Variants in SLC26A3 observed in about 807,000 individuals in gnomAD.
SLC26A3 encodes the protein chloride anion exchanger.
In SLC26A3, 64 loss-of-function variants were observed where a neutral mutation model predicts 85.6. The observed-to-expected ratio is 0.75, with a 90% confidence interval of 0.61 to 0.92. The LOEUF (loss-of-function observed/expected upper bound fraction) is 0.92. Ranked by LOEUF, SLC26A3 falls within the 40% of genes least tolerant of loss-of-function variation. SLC26A3 has a pLI of 0.00. For missense variants in SLC26A3, 922 were observed against 927.3 expected, an observed-to-expected ratio of 0.99 and a Z score of 0.07; for synonymous variants, 349 against 336.0, an observed-to-expected ratio of 1.04 and a Z score of -0.42.
chr7:107,791,340 G>A, intron 4 of SLC26A3, 105 bp from the exon 5 acceptor site: 3 of 1,241,570 alleles, frequency 2.4e-6, no homozygotes, highest in South Asian at 1.2e-5. Context: ...GGCTGGGCGT[G>A]GTGGCTCACG....
chr7:107,794,391 T>A lies in SLC26A3; in HGVS notation c.119A>T (p.Lys40Ile). Residue 40 changes from lysine (K) to isoleucine (I), a missense_variant, in exon 2 of 21, where the codon AAA (lysine) becomes ATA (isoleucine). By Grantham distance (102) the Lys-to-Ile change is moderately radical. Coordinates refer to ENST00000340010, the MANE Select transcript of SLC26A3 (RefSeq NM_000111.3). ...AAAAATATCTTACCTACAACACACTTTGAGATGATCCAGAAATGTCTTATG... is the reference window on the plus strand; with the variant it reads ...AAAAATATCTTACCTACAACACACTATGAGATGATCCAGAAATGTCTTATG... ...RHHKTFLDHL[K>I]VCCSCSPQKA... 6.2e-7 allele frequency: 1 copy of A among 1,613,954 alleles called. No individual in the cohort carries two copies. The highest frequency in any genetic ancestry group is 8.5e-7 in the Non-Finnish European group (1 of 1,179,886).
At chr7:107,787,559 T>A in intron 6 of SLC26A3, 50 bp from the exon 7 acceptor site, 1 of 1,507,702 alleles carries the variant, frequency 6.6e-7, no homozygotes, top group Non-Finnish European at 9.2e-7. Context: ...AATGCACAAT[T>A]TGGATACAAC....
chr7:107,782,173 A>G (rs1241241373), intron 11 of SLC26A3, among the ~76,000 whole-genome samples: 1 of 152,192 alleles, frequency 6.6e-6, no homozygotes, highest in East Asian at 1.9e-4. Context: ...CAATGTATTT[A>G]CTGTCATCTT....
rs1340412562 is a variant in SLC26A3, at chr7:107,782,893, TATC to T, written c.1234-22_1234-20del. On this transcript the variant is annotated intron_variant, in intron 10 of 20. Coordinates refer to ENST00000340010, the MANE Select transcript of SLC26A3 (RefSeq NM_000111.3). ...CAGCAATCTGTGAGGATAAAAAAAT[TATC>T]ATCACCAACTCAACTTTTCCCCTGG... 3 of 1,613,804 alleles carry T rather than the reference TATC, an allele frequency of 1.9e-6. No individual in the cohort carries two copies. The highest frequency in any genetic ancestry group is 2.5e-6 in the Non-Finnish European group (3 of 1,179,870).
intron 8 of SLC26A3, 73 bp from the exon 9 acceptor site, chr7:107,783,425 A>G (rs1056521950): frequency 2.6e-5 from 40 of 1,522,220 alleles, no homozygotes; most frequent in Non-Finnish European, 3.3e-5. Flanking sequence ...GGGCAAATCA[A>G]TGAATGAATG....
rs758949431 is a variant in SLC26A3 at position 107,794,524 on chromosome 7, T to C, written c.-15A>G. The C allele has an allele frequency of 1.1e-5, 17 of 1,613,814 alleles. No homozygotes were observed. Among genetic ancestry groups the C allele is most frequent in the Non-Finnish European group, 1.4e-5 (16 of 1,179,822 alleles). On this transcript the variant is annotated 5_prime_UTR_variant, in exon 2 of 21. Coordinates refer to ENST00000340010, the MANE Select transcript of SLC26A3 (RefSeq NM_000111.3). ...GGTTCAATCATTTTGATTTTTCTGT[T>C]GGCTGTGGCAAGTTGAAGACCTTTG...
chr7:107,767,701 AAG>A (rs891160551), intron 19 of SLC26A3, 57 bp from the exon 20 acceptor site: 10 of 1,609,258 alleles, frequency 6.2e-6, no homozygotes, highest in African/African-American at 4.0e-5. Flanking sequence ...AATGTTGAAA[AAG>A]AGAAATTTAA....
chr7:107,774,278 G>A, intron 16 of SLC26A3, 125 bp from the exon 17 acceptor site: 1 of 793,102 alleles, frequency 1.3e-6, no homozygotes, highest in South Asian at 1.4e-5. Flanking sequence ...TGGACTAGGT[G>A]TGGTGGCTCA....
At chr7:107,781,646 G>C (rs1346207566) in intron 11 of SLC26A3, among the ~76,000 whole-genome samples, 5 of 152,128 alleles carry the variant, frequency 3.3e-5, no homozygotes, top group African/African-American at 1.2e-4. Context: ...GAAATCAGAA[G>C]TATAGCCTAT....
At position 107,779,692 on chromosome 7, in the gene SLC26A3, C is replaced by T; in HGVS notation, c.1383G>A (p.Leu461=). 1 of 1,613,910 alleles carries T rather than the reference C, an allele frequency of 6.2e-7. No homozygotes were observed. The highest frequency in any genetic ancestry group is 8.5e-7 in the Non-Finnish European group (1 of 1,179,860). The change falls in exon 12 of 21, where the codon TTG becomes TTA. Residue 461 remains leucine, a synonymous_variant. Transcript: ENST00000340010. ...CACAATCATATTTGTCCTTTCGCCA[C>T]AATCTGCCTATTTCAGCAAACTGCA... ...MLMQFAEIGR[L]WRKDKYDCLI... is the part of the protein sequence containing the mutation.
chr7:107,783,682 C>A (rs1045330919), intron 8 of SLC26A3, among the ~76,000 whole-genome samples: 2 of 152,196 alleles, frequency 1.3e-5, no homozygotes, highest in African/African-American at 4.8e-5. Flanking sequence ...TGTATTGTTA[C>A]ACTGGGCTGC....
chr7:107,780,021 C>T (rs535599577), intron 11 of SLC26A3, among the ~76,000 whole-genome samples: 35 of 151,994 alleles, frequency 2.3e-4, no homozygotes, highest in African/African-American at 5.8e-4. Context: ...GATCTGATGG[C>T]GTTTAGTAGC....
At chr7:107,781,560 CG>C (rs1409312027) in intron 11 of SLC26A3, among the ~76,000 whole-genome samples, 1 of 151,976 alleles carries the variant, frequency 6.6e-6, no homozygotes, top group Admixed American at 6.6e-5. Flanking sequence ...AGTGTGTGTG[CG>C]TTTATTTTTA....
chr7:107,784,233 T>C (rs76480351), intron 8 of SLC26A3, among the ~76,000 whole-genome samples: 4 of 152,348 alleles, frequency 2.6e-5, no homozygotes, highest in African/African-American at 4.8e-5. Flanking sequence ...AGTACTATTA[T>C]ATCTGATGCC....
At chr7:107,792,406 G>A (rs990217989) in intron 3 of SLC26A3, among the ~76,000 whole-genome samples, 1 of 151,910 alleles carries the variant, frequency 6.6e-6, no homozygotes, top group African/African-American at 2.4e-5. Context: ...CAACTAGATG[G>A]TTCCCTCTGG....
chr7:107,782,175 T>C (rs117923954), intron 11 of SLC26A3, among the ~76,000 whole-genome samples: 3,081 of 152,330 alleles, frequency 0.02, 47 homozygotes, highest in Non-Finnish European at 0.029. Context: ...ATGTATTTAC[T>C]GTCATCTTGT....
chr7:107,794,302 G>A, intron 2 of SLC26A3, 77 bp downstream of exon 2: 2 of 1,529,048 alleles, frequency 1.3e-6, no homozygotes. Context: ...AGAAAGGAGA[G>A]TTGGAAAGTT....
rs568649053 is a variant in SLC26A3 at position 107,800,245 on chromosome 7, G to C, written c.-89+2866C>G. Among the ~76,000 whole-genome samples, 7 of 152,244 alleles carry C rather than the reference G, an allele frequency of 4.6e-5. No homozygotes were observed. In the East Asian group the frequency reaches 1.3e-3, roughly 29 times the overall value. On this transcript the variant is annotated intron_variant, in intron 1 of 20. Transcript: ENST00000340010. ...TGCAGTGGCTCATGCCTGTAATTTT[G>C]GCACGTTGGGAGACTGAAGTGGGGA...
chr7:107,776,797 G>A, intron 13 of SLC26A3, 91 bp from the exon 14 acceptor site: 1 of 1,103,868 alleles, frequency 9.1e-7, no homozygotes, highest in Non-Finnish European at 1.3e-6. Context: ...ACCAAAGCAG[G>A]CTCACTTTTC....
Sources: gnomAD v4.1 joint callset for allele counts (sites outside exome capture counted in the v4.1 genomes callset) on GRCh38, gnomAD v4.1.1 for gene constraint, MANE v1.5 for transcripts, NCBI Gene and HGNC (gene_info 2026-07-23, HGNC 2026-07-21) for gene names.